FHIT: variants seen among roughly 807,000 people sequenced by gnomAD.
FHIT encodes fragile histidine triad diadenosine triphosphatase.
FHIT carries 19 observed loss-of-function variants against 17.9 expected under a neutral mutation model. The ratio of observed to expected loss-of-function variants is 1.06; its 90% CI spans 0.74 to 1.56. The LOEUF is 1.56. FHIT is among the 40% of genes most tolerant of loss of function. The probability of loss-of-function intolerance (pLI) is 0.00; values close to 1 mark genes in which losing one functional copy is unlikely to be tolerated. For missense variants in FHIT, 248 were observed against 189.2 expected (o/e 1.31, Z -1.82); for synonymous variants, 81 against 69.7 (o/e 1.16, Z -0.81).
intron 4 of FHIT, among the ~76,000 whole-genome samples, chr3:60,540,923 G>C (rs190442674): frequency 2.0e-4 from 31 of 152,224 alleles, no homozygotes; most frequent in Admixed American, 1.5e-3. Flanking sequence ...CTCCACAATA[G>C]CATCAGCATC....
intron 1 of FHIT, among the ~76,000 whole-genome samples, chr3:61,241,203 G>A (rs1271152799): frequency 6.6e-6 from 1 of 151,994 alleles, no homozygotes; most frequent in African/African-American, 2.4e-5. Context: ...TTCTTGCCAG[G>A]GTCATTCCTA....
intron 4 of FHIT, among the ~76,000 whole-genome samples, chr3:60,820,287 G>A (rs868978478): frequency 2.6e-5 from 4 of 152,086 alleles, no homozygotes; most frequent in Non-Finnish European, 4.4e-5. Flanking sequence ...CAGCCTGGGC[G>A]ACAGCGAGAC....
chr3:60,552,898 T>A (rs920534294), intron 4 of FHIT, among the ~76,000 whole-genome samples: 5 of 152,194 alleles, frequency 3.3e-5, no homozygotes, highest in African/African-American at 1.2e-4. Flanking sequence ...CTGGATGGGT[T>A]TTCTCCAGGC....
At chr3:60,198,194 T>G (rs1702734098) in intron 5 of FHIT, among the ~76,000 whole-genome samples, 1 of 152,098 alleles carries the variant, frequency 6.6e-6, no homozygotes, top group Non-Finnish European at 1.5e-5. Flanking sequence ...GTTCAGCACT[T>G]GGAGAGAAAT....
At chr3:60,329,532 C>T (rs984390470) in intron 5 of FHIT, among the ~76,000 whole-genome samples, 1 of 152,222 alleles carries the variant, frequency 6.6e-6, no homozygotes, top group South Asian at 2.1e-4. Flanking sequence ...TTGAGGCAAG[C>T]AGACCCCTCT....
At chr3:60,906,817 CT>C (rs1166467926) in intron 3 of FHIT, among the ~76,000 whole-genome samples, 3 of 151,930 alleles carry the variant, frequency 2.0e-5, no homozygotes, top group Admixed American at 6.6e-5. Flanking sequence ...AATGTAGTGT[CT>C]TTTTTTAAGA....
At chr3:59,809,208 AG>A (rs1203795161) in intron 8 of FHIT, among the ~76,000 whole-genome samples, 1 of 152,194 alleles carries the variant, frequency 6.6e-6, no homozygotes, top group Non-Finnish European at 1.5e-5. Flanking sequence ...AGATGTTATT[AG>A]TCAAGATGAG....
intron 3 of FHIT, among the ~76,000 whole-genome samples, chr3:60,890,282 T>C (rs1037663135): frequency 6.8e-6 from 1 of 147,222 alleles, no homozygotes; most frequent in African/African-American, 2.6e-5. Flanking sequence ...TAAACACTTG[T>C]GAAGAGACTG....
chr3:60,130,784 G>T (rs1576167818), intron 5 of FHIT, among the ~76,000 whole-genome samples: 1 of 111,726 alleles, frequency 9.0e-6, no homozygotes, highest in African/African-American at 3.0e-5. Context: ...GTGTGTGTGT[G>T]GTGTGTATAT....
intron 5 of FHIT, among the ~76,000 whole-genome samples, chr3:60,337,627 A>G (rs1466732321): frequency 1.3e-5 from 2 of 152,176 alleles, no homozygotes; most frequent in Non-Finnish European, 2.9e-5. Context: ...AGAGGCTTTC[A>G]TGGTGGACAA....
At chr3:60,835,197 T>G (rs1442586979) in intron 3 of FHIT, among the ~76,000 whole-genome samples, 1 of 152,146 alleles carries the variant, frequency 6.6e-6, no homozygotes, top group Admixed American at 6.5e-5. Flanking sequence ...CAAAATTGTT[T>G]TAGCTACTCT....
At chr3:60,307,402 A>G (rs1363015611) in intron 5 of FHIT, among the ~76,000 whole-genome samples, 4 of 152,176 alleles carry the variant, frequency 2.6e-5, no homozygotes, top group Non-Finnish European at 5.9e-5. Context: ...GTGAGATAAT[A>G]TCCACACAAG....
intron 5 of FHIT, among the ~76,000 whole-genome samples, chr3:60,417,072 G>A (rs534480736): frequency 4.7e-5 from 7 of 149,382 alleles, no homozygotes; most frequent in African/African-American, 1.7e-4. Flanking sequence ...CTGGTCGACA[G>A]AGGGAGACTC....
chr3:60,212,620 A>G (rs919193766), intron 5 of FHIT, among the ~76,000 whole-genome samples: 1 of 152,216 alleles, frequency 6.6e-6, no homozygotes, highest in Non-Finnish European at 1.5e-5. Flanking sequence ...AAGCACTAAA[A>G]TAACAATCTA....
chr3:60,460,428 A>G (rs180740372), intron 5 of FHIT, among the ~76,000 whole-genome samples: 3 of 152,266 alleles, frequency 2.0e-5, no homozygotes, highest in Admixed American at 1.3e-4. Context: ...AAAAAAAAGA[A>G]CCATGAGGAA....
intron 5 of FHIT, among the ~76,000 whole-genome samples, chr3:60,360,628 C>A (rs1276118376): frequency 6.6e-6 from 1 of 152,150 alleles, no homozygotes. Flanking sequence ...TAATAAATAG[C>A]AGCAATATTT....
chr3:61,032,627 A>ACCT (rs2033061321), intron 3 of FHIT, among the ~76,000 whole-genome samples: 2 of 152,170 alleles, frequency 1.3e-5, no homozygotes, highest in Admixed American at 1.3e-4. Context: ...GGGCTAATAG[A>ACCT]CCTAAACAAT....
At chr3:60,876,948 C>T (rs1704689930) in intron 3 of FHIT, among the ~76,000 whole-genome samples, 1 of 152,128 alleles carries the variant, frequency 6.6e-6, no homozygotes, top group Non-Finnish European at 1.5e-5. Context: ...CTGAGATGAG[C>T]CAGAAACCCA....
At chr3:60,515,122 T>C (rs2035101862) in intron 5 of FHIT, among the ~76,000 whole-genome samples, 1 of 152,098 alleles carries the variant, frequency 6.6e-6, no homozygotes, top group South Asian at 2.1e-4. Flanking sequence ...GGAAAGCCTC[T>C]GACCTGGAGC....
Sources: allele counts gnomAD v4.1 joint callset (sites outside exome capture counted in the v4.1 genomes callset), GRCh38; gene constraint gnomAD v4.1.1; transcripts MANE v1.5; gene names NCBI Gene and HGNC (gene_info 2026-07-23, HGNC 2026-07-21).